Variants in SYCP2 observed in about 807,000 individuals in gnomAD.
SYCP2 encodes synaptonemal complex protein 2.
A neutral mutation model predicts 211.3 loss-of-function variants in SYCP2; 55 were observed. That is an observed-to-expected ratio of 0.26 (90% CI 0.21 to 0.33). The LOEUF is 0.33. SYCP2 is among the 10% of genes least tolerant of loss of function. SYCP2 has a pLI of 1.00. For missense variants in SYCP2, 1,731 were observed against 1,752.0 expected (o/e 0.99, Z 0.21); for synonymous variants, 570 against 555.2 (o/e 1.03, Z -0.37).
chr20:59,881,860 A>C (rs768530210), intron 28 of SYCP2, 85 bp downstream of exon 28: 3 of 1,098,650 alleles, frequency 2.7e-6, no homozygotes, highest in Non-Finnish European at 4.0e-6. Flanking sequence ...GAGGATGCAC[A>C]TTAAAAACAT....
intron 2 of SYCP2, among the ~76,000 whole-genome samples, chr20:59,929,669 G>T (rs1351137510): frequency 6.6e-6 from 1 of 151,048 alleles, no homozygotes; most frequent in Admixed American, 6.6e-5. Context: ...AAAATCTAAA[G>T]TATACTTAAT....
chr20:59,924,525 C>G (rs1311572880), intron 2 of SYCP2, among the ~76,000 whole-genome samples: 1 of 151,878 alleles, frequency 6.6e-6, no homozygotes, highest in East Asian at 1.9e-4. Flanking sequence ...ACCCCATTCT[C>G]CATAATGTGC....
Position 59,915,485 on chromosome 20 carries a change from G to A in SYCP2, c.579C>T (p.Asn193=). 3 of 1,605,426 alleles carry A rather than the reference G, an allele frequency of 1.9e-6. No individual in the cohort carries two copies. Among genetic ancestry groups the A allele is most frequent in the Non-Finnish European group, 1.7e-6 (2 of 1,172,518 alleles). The change falls in exon 9 of 45, where the codon AAC becomes AAT. Residue 193 remains asparagine (N), a synonymous_variant. Coordinates refer to ENST00000357552, the MANE Select transcript of SYCP2 (RefSeq NM_014258.4). ...MPQDARKILS[N]QEMLILMSSM... ...ATTACATGAGAATTAACATTTCTTG[G>A]TTAGAGAGTATTTTCCGGGCATCTT...
intron 44 of SYCP2, among the ~76,000 whole-genome samples, chr20:59,864,745 A>T (rs967827439): frequency 5.3e-5 from 8 of 152,040 alleles, no homozygotes; most frequent in Admixed American, 2.0e-4. Flanking sequence ...CTTAGCCACA[A>T]CATCTTGATC....
At chr20:59,877,895 A>G in intron 32 of SYCP2, 113 bp downstream of exon 32, 1 of 802,480 alleles carries the variant, frequency 1.2e-6, no homozygotes, top group Non-Finnish European at 2.0e-6. Context: ...AGGAAGAGGT[A>G]CATAAAACAC....
intron 44 of SYCP2, among the ~76,000 whole-genome samples, chr20:59,864,773 A>G (rs2059296860): frequency 6.6e-6 from 1 of 152,060 alleles, no homozygotes; most frequent in South Asian, 2.1e-4. Context: ...ATGTCAGCAT[A>G]TTGAGGTTCT....
intron 15 of SYCP2, among the ~76,000 whole-genome samples, chr20:59,902,011 C>T (rs2145785739): frequency 6.6e-6 from 1 of 152,118 alleles, no homozygotes; most frequent in East Asian, 1.9e-4. Flanking sequence ...TCTCAGTGTT[C>T]TTATCTATAA....
chr20:59,932,375 A>G (rs2060768535), intron 1 of SYCP2, among the ~76,000 whole-genome samples: 1 of 152,116 alleles, frequency 6.6e-6, no homozygotes, highest in South Asian at 2.1e-4. Context: ...TCCTCCTCCC[A>G]TCATTACTAA....
intron 3 of SYCP2, among the ~76,000 whole-genome samples, chr20:59,922,170 T>C (rs1003410944): frequency 2.0e-5 from 3 of 151,652 alleles, no homozygotes; most frequent in Non-Finnish European, 4.4e-5. Flanking sequence ...AAGGTAGGTA[T>C]AAAGAATCAG....
In SYCP2 at chr20:59,863,929, A is replaced by G. The variant is rs183867524; in HGVS notation, c.*382T>C. On this transcript the variant is annotated 3_prime_UTR_variant, in exon 45 of 45. Transcript: ENST00000357552. ...TTTATTAGTTGAATTCTAAGTTATT[A>G]AACATATTTTAATTATATTCATCCC... 5.2e-5 allele frequency: 8 copies of G among 152,726 alleles called. No homozygotes were observed. Among genetic ancestry groups the G allele is most frequent in the East Asian group, 3.8e-4 (2 of 5,232 alleles). 9.5% of individuals were successfully genotyped at this position (152,726 alleles called of 1,614,324 possible). A position where few individuals can be genotyped will look rare whatever the true frequency, so the allele number is the denominator to read the frequency against.
intron 25 of SYCP2, among the ~76,000 whole-genome samples, chr20:59,886,342 C>T (rs1260321566): frequency 6.6e-6 from 1 of 151,874 alleles, no homozygotes; most frequent in Non-Finnish European, 1.5e-5. Context: ...CTATTTACTA[C>T]AAAAAAACTC....
Position 59,893,181 on chromosome 20 carries a change from A to G in SYCP2, c.1754T>C (p.Ile585Thr). Residue 585 changes from isoleucine (I) to threonine (T), a missense_variant, in exon 22 of 45, where the codon ATA becomes ACA. Ile to Thr is a moderately conservative substitution (Grantham distance 89, BLOSUM62 -1). Coordinates refer to ENST00000357552, the MANE Select transcript of SYCP2 (RefSeq NM_014258.4). ...NQNFSELQDV[I>T]PDSQAAEKRD... ...TTTTTCCGCTGCCTGTGAATCTGGT[A>G]TAACATCCTGGAGTTCACCTAAATA... 1.9e-6 allele frequency: 3 copies of G among 1,602,884 alleles called. No individual in the cohort carries two copies. Among genetic ancestry groups the G allele is most frequent in the Admixed American group, 1.7e-5 (1 of 59,504 alleles).
At chr20:59,872,619 T>C (rs550396984) in intron 35 of SYCP2, among the ~76,000 whole-genome samples, 1 of 151,556 alleles carries the variant, frequency 6.6e-6, no homozygotes, top group East Asian at 1.9e-4. Flanking sequence ...ATCCTCCATT[T>C]CAGGCATCTA....
chr20:59,881,613 TTAC>T lies in SYCP2; in HGVS notation c.2659-124_2659-122del, dbSNP rs2059682589. 9.2e-6 allele frequency: 5 copies of T among 541,908 alleles called. No individual in the cohort carries two copies. In the South Asian group the frequency reaches 1.6e-4, roughly 17 times the overall value. 33.6% of individuals were successfully genotyped at this position (541,908 alleles called of 1,614,324 possible). A position where few individuals can be genotyped will look rare whatever the true frequency, so the allele number is the denominator to read the frequency against. ...CATAAGATTTGACATAAAATTAACTTTACTACAATATTTGTATTTGAAAAGAAA... is the reference window on the plus strand; with the variant it reads ...CATAAGATTTGACATAAAATTAACTTTACAATATTTGTATTTGAAAAGAAA... On this transcript the variant is annotated intron_variant, in intron 28 of 44. Coordinates refer to ENST00000357552, the MANE Select transcript of SYCP2 (RefSeq NM_014258.4).
intron 14 of SYCP2, among the ~76,000 whole-genome samples, chr20:59,909,832 A>G (rs2060282190): frequency 6.6e-6 from 1 of 152,216 alleles, no homozygotes; most frequent in Non-Finnish European, 1.5e-5. Context: ...AATAACTACT[A>G]TAAAGGAAAT....
intron 11 of SYCP2, 28 bp downstream of exon 11, chr20:59,914,081 G>T: frequency 1.9e-6 from 3 of 1,573,770 alleles, no homozygotes; most frequent in Non-Finnish European, 2.6e-6. Flanking sequence ...AAAAATTCAC[G>T]AATTTCTGTT....
intron 30 of SYCP2, 70 bp downstream of exon 30, chr20:59,880,896 G>T: frequency 1.4e-6 from 1 of 728,144 alleles, no homozygotes; most frequent in South Asian, 2.7e-5. Context: ...TCTTGTTTTT[G>T]ATAATCTTTA....
chr20:59,868,508 T>C lies in SYCP2; in HGVS notation c.3893A>G (p.Asn1298Ser), dbSNP rs1318686900. The C allele has an allele frequency of 1.9e-6, 3 of 1,611,040 alleles. No individual in the cohort carries two copies. Among genetic ancestry groups the C allele is most frequent in the African/African-American group, 1.3e-5 (1 of 74,772 alleles). Residue 1298 changes from asparagine to serine, a missense_variant, in exon 38 of 45, where the codon AAT (asparagine) becomes AGT (serine). Asn to Ser is a conservative substitution (Grantham distance 46). Coordinates refer to ENST00000357552, the MANE Select transcript of SYCP2 (RefSeq NM_014258.4). ...IYIEDNLSNS[N>S]EVEMEEKGER... The stretch of plus-strand genomic sequence containing the variant: ...TCCTTTCTCTTCCATTTCTACTTCA[T>C]TGGAATTACTTAGATTATCTTCTAT...
intron 2 of SYCP2, among the ~76,000 whole-genome samples, chr20:59,929,112 G>A (rs2060687121): frequency 6.6e-6 from 1 of 151,886 alleles, no homozygotes; most frequent in Non-Finnish European, 1.5e-5. Context: ...AAAAGAAGAA[G>A]AGGTCATTCA....
Sources: gnomAD v4.1 joint callset for allele counts (sites outside exome capture counted in the v4.1 genomes callset) on GRCh38, gnomAD v4.1.1 for gene constraint, MANE v1.5 for transcripts, NCBI Gene and HGNC (gene_info 2026-07-23, HGNC 2026-07-21) for gene names.